Variants in GIT2 observed in about 807,000 individuals in gnomAD.
The protein encoded by GIT2 is ARF GTPase-activating protein GIT2.
GIT2 carries 32 observed loss-of-function variants against 100.3 expected under a neutral mutation model. The ratio of observed to expected loss-of-function variants is 0.32; its 90% CI spans 0.24 to 0.43. The LOEUF (loss-of-function observed/expected upper bound fraction) is 0.43. Among genes scored for constraint, GIT2 ranks in the 20% least tolerant of loss-of-function variants. The probability of loss-of-function intolerance (pLI) is 1.00; values close to 1 mark genes in which losing one functional copy is unlikely to be tolerated. For synonymous variants in GIT2, 353 were observed against 364.1 expected (o/e 0.97, Z 0.35); for missense variants, 737 against 975.1 (o/e 0.76, Z 3.25).
chr12:109,982,229 C>T (rs1886444299), intron 6 of GIT2: 1 of 152,328 alleles, frequency 6.6e-6, no homozygotes, highest in African/African-American at 2.4e-5. Context: ...ACCTGGAATG[C>T]TTCAGCTCTC....
At chr12:109,959,610 G>A (rs1416980553) in intron 12 of GIT2, among the ~76,000 whole-genome samples, 2 of 152,022 alleles carry the variant, frequency 1.3e-5, no homozygotes, top group Non-Finnish European at 2.9e-5. Flanking sequence ...CTGAGGGGAG[G>A]GAACCTAGAG....
intron 12 of GIT2, 104 bp downstream of exon 12, chr12:109,959,743 A>C (rs1332928358): frequency 1.4e-6 from 1 of 705,768 alleles, no homozygotes; most frequent in African/African-American, 1.8e-5. Context: ...AAAAACCTAT[A>C]GAACTGTCAT....
chr12:109,941,058 TAC>T (rs984880957), intron 16 of GIT2, among the ~76,000 whole-genome samples: 16 of 152,080 alleles, frequency 1.1e-4, no homozygotes, highest in African/African-American at 3.9e-4. Context: ...GCTATCCCCA[TAC>T]ACTCTTCTGC....
In GIT2 at chr12:109,934,951, GC is replaced by G. The variant is rs1872583459; in HGVS notation, c.2004-867del. On this transcript the variant is annotated intron_variant, in intron 18 of 19. Transcript: ENST00000355312. The surrounding 1 kb of genome is among the most constrained non-coding windows in gnomAD (Gnocchi z 4.5). ...AAATTAGCTGGGCATTGTGGCGCAT[GC>G]CTGTAATCCCAGCTACTCAGGAGGC... 6.6e-6 allele frequency among the ~76,000 whole-genome samples: 1 copy of G among 152,028 alleles called. No homozygotes were observed. Among genetic ancestry groups the G allele is most frequent in the Non-Finnish European group, 1.5e-5 (1 of 67,992 alleles).
At position 109,978,937 on chromosome 12, in the gene GIT2, G is replaced by C. The variant is rs1288898272; in HGVS notation, c.718+2015C>G. Among the ~76,000 whole-genome samples, 8 of 152,180 alleles carry C rather than the reference G, an allele frequency of 5.3e-5. No homozygotes were observed. The East Asian group carries it at 1.5e-3, about 29-fold the overall frequency. ...ATATCCTAGACACTGTGAATGTTTT[G>C]TTATGAGACTCTGGGCCTTCTTTAA... On this transcript the variant is annotated intron_variant, in intron 7 of 19. Coordinates refer to ENST00000355312, the MANE Select transcript of GIT2 (RefSeq NM_057169.5).
chr12:110,000,063 C>T (rs1006564723), upstream of GIT2, among the ~76,000 whole-genome samples: 30 of 152,208 alleles, frequency 2.0e-4, no homozygotes, highest in African/African-American at 7.2e-4. Context: ...TCAGACGCTA[C>T]GTGCCTTGTG....
intron 7 of GIT2, among the ~76,000 whole-genome samples, chr12:109,974,710 A>G (rs1214044663): frequency 6.6e-6 from 1 of 152,184 alleles, no homozygotes; most frequent in East Asian, 1.9e-4. Context: ...TGTATGTTCA[A>G]TATGTACTTG....
At chr12:109,999,893 C>A (rs909204936), upstream of GIT2, 1 of 1,006,386 alleles carries the variant, frequency 9.9e-7, no homozygotes, top group African/African-American at 1.7e-5. The surrounding 1 kb of genome is among the most constrained non-coding windows in gnomAD (Gnocchi z 4.3). Context: ...ATCCCCAGAC[C>A]CCTTCCACTT....
chr12:109,965,248 T>C (rs1011901766), intron 9 of GIT2, among the ~76,000 whole-genome samples: 3 of 152,162 alleles, frequency 2.0e-5, no homozygotes, highest in African/African-American at 7.2e-5. Context: ...GGAACTCTCC[T>C]GAGGAGAACA....
At chr12:109,944,495 A>G (rs1875721115) in intron 16 of GIT2, among the ~76,000 whole-genome samples, 1 of 152,226 alleles carries the variant, frequency 6.6e-6, no homozygotes, top group Admixed American at 6.5e-5. Flanking sequence ...TTTTTAATTG[A>G]CAGTGCCTTT....
At chr12:109,998,386 G>C (rs1195505978), upstream of GIT2, 1 of 152,210 alleles carries the variant, frequency 6.6e-6, no homozygotes, top group Admixed American at 6.5e-5. Flanking sequence ...CTGAAGAGCT[G>C]GATGTGCATA....
intron 4 of GIT2, among the ~76,000 whole-genome samples, chr12:109,986,840 C>T (rs1887491963): frequency 6.6e-6 from 1 of 151,964 alleles, no homozygotes; most frequent in Non-Finnish European, 1.5e-5. Flanking sequence ...GCCTGTAATC[C>T]CAGCTACTTG....
upstream of GIT2, chr12:109,999,291 T>G (rs372521637): frequency 2.0e-5 from 3 of 152,078 alleles, no homozygotes; most frequent in East Asian, 5.9e-4. The surrounding 1 kb of genome is among the most constrained non-coding windows in gnomAD (Gnocchi z 4.3). Context: ...TTCTGTGGGC[T>G]GCACTGAGTT....
chr12:109,940,722 G>A (rs1341274787), intron 16 of GIT2, among the ~76,000 whole-genome samples: 1 of 151,798 alleles, frequency 6.6e-6, no homozygotes, highest in Non-Finnish European at 1.5e-5. Flanking sequence ...GCTACTAAAA[G>A]TACAAAAATT....
chr12:109,941,221 T>C (rs1366138821), intron 16 of GIT2, among the ~76,000 whole-genome samples: 1 of 152,188 alleles, frequency 6.6e-6, no homozygotes, highest in Non-Finnish European at 1.5e-5. Context: ...GCCACTCAAA[T>C]CCATCTGGCA....
intron 7 of GIT2, among the ~76,000 whole-genome samples, chr12:109,971,061 C>T (rs907368495): frequency 5.3e-5 from 8 of 152,078 alleles, no homozygotes; most frequent in African/African-American, 1.9e-4. Flanking sequence ...GCTGGGATTA[C>T]AGGCGTAAGC....
chr12:109,962,914 A>T lies in GIT2; in HGVS notation c.817-1229T>A, dbSNP rs370627458. On this transcript the variant is annotated intron_variant, in intron 9 of 19. Coordinates refer to ENST00000355312, the MANE Select transcript of GIT2 (RefSeq NM_057169.5). The surrounding 1 kb of genome is among the most constrained non-coding windows in gnomAD (Gnocchi z 4.3). ...CACTTTGGGAGGCAGAGGCAGGAAG[A>T]TCACTCACTTGAGCCTGGGAGTTCA... Among the ~76,000 whole-genome samples, 327 of 152,238 alleles carry T rather than the reference A, an allele frequency of 2.1e-3. 3 individuals carry two copies. The highest frequency in any genetic ancestry group is 0.019 in the South Asian group (91 of 4,820).
chr12:109,970,706 G>A (rs541951377), intron 7 of GIT2, among the ~76,000 whole-genome samples: 13 of 152,300 alleles, frequency 8.5e-5, no homozygotes, highest in African/African-American at 3.1e-4. Context: ...GAAAAATTGG[G>A]TGCTGTACTT....
intron 7 of GIT2, among the ~76,000 whole-genome samples, chr12:109,978,173 C>T (rs1384430853): frequency 1.3e-5 from 2 of 149,002 alleles, no homozygotes; most frequent in African/African-American, 2.5e-5. Flanking sequence ...ACCTCTACCT[C>T]CCAGGTTCAA....
Sources: allele counts gnomAD v4.1 joint callset (sites outside exome capture counted in the v4.1 genomes callset), GRCh38; gene constraint gnomAD v4.1.1; non-coding constraint Gnocchi (gnomAD v3.1); transcripts MANE v1.5; gene names NCBI Gene and HGNC (gene_info 2026-07-23, HGNC 2026-07-21).